The following MECOM variants were observed in gnomAD, a reference collection of about 807,000 sequenced individuals.
MECOM encodes the protein histone-lysine N-methyltransferase MECOM.
Under a neutral mutation model 116.3 loss-of-function variants are expected in MECOM, and 13 were observed. That is an observed-to-expected ratio of 0.11 (90% CI 0.07 to 0.18). The LOEUF (loss-of-function observed/expected upper bound fraction) is 0.18, where lower values mean the gene tolerates loss of function less well. MECOM is among the 10% of genes least tolerant of loss of function. The probability of loss-of-function intolerance (pLI) is 1.00; values close to 1 mark genes in which losing one functional copy is unlikely to be tolerated. For missense variants in MECOM, 1,299 were observed against 1,509.0 expected (o/e 0.86, Z 2.31); for synonymous variants, 528 against 535.2 (o/e 0.99, Z 0.19).
At chr3:169,408,461 C>A (rs9866201) in intron 1 of MECOM, among the ~76,000 whole-genome samples, 3 of 152,120 alleles carry the variant, frequency 2.0e-5, no homozygotes, top group Admixed American at 6.6e-5. Context: ...CCACAGGGAC[C>A]AGGAATTAAT....
At chr3:169,418,286 C>G (rs1739072273) in intron 1 of MECOM, among the ~76,000 whole-genome samples, 1 of 152,028 alleles carries the variant, frequency 6.6e-6, no homozygotes. Flanking sequence ...AAGCCCAGGA[C>G]CAGACAGATT....
intron 1 of MECOM, among the ~76,000 whole-genome samples, chr3:169,562,375 G>T (rs954105669): frequency 6.6e-6 from 1 of 151,902 alleles, no homozygotes; most frequent in African/African-American, 2.4e-5. Context: ...CAGTCTCTCC[G>T]GTCCTGCTTC....
chr3:169,591,472 A>G (rs1406272231), intron 1 of MECOM, among the ~76,000 whole-genome samples: 1 of 152,138 alleles, frequency 6.6e-6, no homozygotes, highest in Non-Finnish European at 1.5e-5. Flanking sequence ...AGCCAAGTGC[A>G]CCGTTTAGCA....
At chr3:169,206,764 A>AAAG (rs1177123914) in intron 2 of MECOM, among the ~76,000 whole-genome samples, 3 of 151,730 alleles carry the variant, frequency 2.0e-5, no homozygotes, top group African/African-American at 7.3e-5. Flanking sequence ...AAAAAAAAAA[A>AAAG]AAAAAAATTA....
chr3:169,214,140 C>G (rs1227930568), intron 2 of MECOM, among the ~76,000 whole-genome samples: 1 of 152,104 alleles, frequency 6.6e-6, no homozygotes, highest in Non-Finnish European at 1.5e-5. Context: ...ACAGGCAATA[C>G]AGCTATATTT....
chr3:169,087,042 T>C (rs1051453002), intron 16 of MECOM, among the ~76,000 whole-genome samples: 3 of 152,166 alleles, frequency 2.0e-5, no homozygotes, highest in Non-Finnish European at 4.4e-5. Flanking sequence ...CTAATCTATA[T>C]AACATGATCA....
intron 2 of MECOM, among the ~76,000 whole-genome samples, chr3:169,144,346 A>T (rs1476969728): frequency 6.6e-6 from 1 of 152,192 alleles, no homozygotes; most frequent in Non-Finnish European, 1.5e-5. Context: ...GATTTGTCTT[A>T]TAGGTGCTTC....
At chr3:169,391,982 C>G (rs1734275439) in intron 1 of MECOM, among the ~76,000 whole-genome samples, 1 of 152,092 alleles carries the variant, frequency 6.6e-6, no homozygotes, top group South Asian at 2.1e-4. Flanking sequence ...TCGTTTGCAG[C>G]AAGAGAGAAT....
chr3:169,484,724 T>C (rs1751891032), intron 1 of MECOM, among the ~76,000 whole-genome samples: 1 of 152,226 alleles, frequency 6.6e-6, no homozygotes, highest in African/African-American at 2.4e-5. Context: ...CATGAAATTA[T>C]GGCACTTTTA....
intron 2 of MECOM, among the ~76,000 whole-genome samples, chr3:169,327,722 A>T (rs1459695834): frequency 1.3e-5 from 2 of 152,118 alleles, no homozygotes; most frequent in Non-Finnish European, 2.9e-5. Context: ...AGTAAACTGC[A>T]TATATCTTTG....
intron 2 of MECOM, among the ~76,000 whole-genome samples, chr3:169,270,476 T>C (rs1389272447): frequency 6.6e-6 from 1 of 152,086 alleles, no homozygotes; most frequent in Non-Finnish European, 1.5e-5. Flanking sequence ...AACATATTTA[T>C]GTTAAATATT....
rs563578267 is a variant in MECOM at position 169,307,505 on chromosome 3, A to G, written c.375+73682T>C. Among the ~76,000 whole-genome samples, 4 of 152,216 alleles carry G rather than the reference A, an allele frequency of 2.6e-5. No individual in the cohort carries two copies. The South Asian group carries it at 8.3e-4, about 32-fold the overall frequency. On this transcript the variant is annotated intron_variant, in intron 2 of 16. Transcript: ENST00000651503. The stretch of plus-strand genomic sequence containing the variant: ...GATTGCTTGAGCCCAGAAGGTCAAC[A>G]CTGCAGCAAGCCATGATCATGCCAC...
In MECOM at chr3:169,089,104, T is replaced by C. The variant is rs1718808060; in HGVS notation, c.3481A>G (p.Lys1161Glu). The C allele has an allele frequency of 1.9e-6, 3 of 1,610,456 alleles. No homozygotes were observed. Among genetic ancestry groups the C allele is most frequent in the South Asian group, 1.1e-5 (1 of 90,580 alleles). Residue 1161 changes from lysine to glutamate, a missense_variant, in exon 16 of 17, where the codon AAA becomes GAA. Physicochemically the swap from Lys to Glu is moderately conservative, Grantham distance 56 (BLOSUM62 1). Coordinates refer to ENST00000651503, the MANE Select transcript of MECOM (RefSeq NM_004991.4). ...TCAGAATATTGATTATCTTCCATTT[T>C]CCTCATTTTGAGGCTATCTGTGAAG... ...RHFTDSLKMRKMEDNQYSEAE... is the reference protein window; with the variant it reads ...RHFTDSLKMREMEDNQYSEAE...
intron 10 of MECOM, among the ~76,000 whole-genome samples, chr3:169,106,187 T>C (rs1023331841): frequency 3.3e-5 from 5 of 152,184 alleles, no homozygotes; most frequent in African/African-American, 1.2e-4. Context: ...TTGATAATCT[T>C]GAGAAATCTC....
At chr3:169,418,983 T>C (rs1371080283) in intron 1 of MECOM, among the ~76,000 whole-genome samples, 3 of 152,218 alleles carry the variant, frequency 2.0e-5, no homozygotes, top group Non-Finnish European at 4.4e-5. Context: ...CATGATTGTA[T>C]ATTTAGGAAA....
intron 2 of MECOM, among the ~76,000 whole-genome samples, chr3:169,268,950 A>G (rs1228302807): frequency 2.0e-5 from 3 of 152,190 alleles, no homozygotes; most frequent in Non-Finnish European, 4.4e-5. Context: ...AGCGGATTTA[A>G]TTGGTAAACA....
chr3:169,401,432 A>G (rs900615360), intron 1 of MECOM, among the ~76,000 whole-genome samples: 4 of 152,126 alleles, frequency 2.6e-5, no homozygotes, highest in African/African-American at 9.7e-5. Flanking sequence ...CCTACTATGG[A>G]CTACACAGAC....
At chr3:169,195,030 A>C (rs1320150540) in intron 2 of MECOM, among the ~76,000 whole-genome samples, 2 of 152,032 alleles carry the variant, frequency 1.3e-5, no homozygotes, top group Non-Finnish European at 2.9e-5. Flanking sequence ...AAGTTATAGA[A>C]CATCTTTCAA....
At chr3:169,085,180 G>T in intron 16 of MECOM, 137 bp from the exon 17 acceptor site, 1 of 1,145,586 alleles carries the variant, frequency 8.7e-7, no homozygotes, top group Non-Finnish European at 1.2e-6. Context: ...GGCAAAGAAG[G>T]CATATTTTTT....
Sources: gnomAD v4.1 joint callset for allele counts (sites outside exome capture counted in the v4.1 genomes callset) on GRCh38, gnomAD v4.1.1 for gene constraint, MANE v1.5 for transcripts, NCBI Gene and HGNC (gene_info 2026-07-23, HGNC 2026-07-21) for gene names.